The following ZNF724 variants were observed in gnomAD, a reference collection of about 807,000 sequenced individuals.
The protein encoded by ZNF724 is zinc finger protein 724 pseudogene.
In ZNF724, 14 loss-of-function variants were observed where a neutral mutation model predicts 29.3. The ratio of observed to expected loss-of-function variants is 0.48; its 90% CI spans 0.32 to 0.75. The LOEUF is 0.75. Among genes scored for constraint, ZNF724 ranks in the 30% least tolerant of loss-of-function variants. The pLI, the probability that ZNF724 is intolerant of heterozygous loss-of-function variation, is 0.04. For missense variants in ZNF724, 557 were observed against 571.2 expected (o/e 0.98, Z 0.25); for synonymous variants, 180 against 193.6 (o/e 0.93, Z 0.58).
At chr19:23,234,685 C>G (rs1324270197) in intron 1 of ZNF724, among the ~76,000 whole-genome samples, 1 of 152,134 alleles carries the variant, frequency 6.6e-6, no homozygotes. Flanking sequence ...CTCCTGACAT[C>G]AGGTGATCCA....
chr19:23,238,078 AAAC>A lies in ZNF724; in HGVS notation c.4-5788_4-5786del, dbSNP rs375323591. 6.0e-3 allele frequency among the ~76,000 whole-genome samples: 906 copies of A among 152,242 alleles called. 3 individuals are homozygous for A. Among genetic ancestry groups the A allele is most frequent in the African/African-American group, 0.02 (839 of 41,558 alleles). On this transcript the variant is annotated intron_variant, in intron 1 of 3. Transcript: ENST00000418100. The stretch of plus-strand genomic sequence containing the variant: ...ATCTGTATCTACTTTAAGAGACTGA[AAAC>A]AACAACAACAACAACAACAAAACCT...
At chr19:23,226,110 G>A (rs552834854) in intron 3 of ZNF724, among the ~76,000 whole-genome samples, 6 of 148,002 alleles carry the variant, frequency 4.1e-5, no homozygotes, top group African/African-American at 1.5e-4. Context: ...GGAGTGCAGT[G>A]GCTGAATCTC....
rs542297408 is a variant in ZNF724, at chr19:23,245,607, C to T, written c.3+4633G>A. ...CAGACCTGGGCAGCAGAGCAAGACT[C>T]CATCTCAAAAAAAAAAAAAATTATC... On this transcript the variant is annotated intron_variant, in intron 1 of 3. Coordinates refer to ENST00000418100, the MANE Select transcript of ZNF724 (RefSeq NM_001355404.2). Among the ~76,000 whole-genome samples, 453 of 151,342 alleles carry T rather than the reference C, an allele frequency of 3.0e-3. 1 individual carries two copies. The highest frequency in any genetic ancestry group is 6.8e-3 in the Middle Eastern group (2 of 294).
At chr19:23,250,062 C>T (rs957635805) in intron 1 of ZNF724, among the ~76,000 whole-genome samples, 178 bp downstream of exon 1, 1 of 152,200 alleles carries the variant, frequency 6.6e-6, no homozygotes, top group South Asian at 2.1e-4. Context: ...CGGGGGCCGG[C>T]TGTCAGCGAA....
intron 1 of ZNF724, among the ~76,000 whole-genome samples, chr19:23,239,207 A>G (rs561002223): frequency 2.0e-3 from 305 of 152,318 alleles, no homozygotes; most frequent in South Asian, 6.6e-3. Flanking sequence ...TAAACTCAAC[A>G]TTTGACCAAA....
chr19:23,237,481 A>T (rs1269333887), intron 1 of ZNF724, among the ~76,000 whole-genome samples: 2 of 152,134 alleles, frequency 1.3e-5, no homozygotes, highest in Non-Finnish European at 2.9e-5. Context: ...GTAGAATTTT[A>T]AAAAATTTTC....
At position 23,222,870 on chromosome 19, in the gene ZNF724, A is replaced by G; in HGVS notation, c.1375T>C (p.Phe459Leu). 7.1e-7 allele frequency: 1 copy of G among 1,409,434 alleles called. No individual in the cohort carries two copies. The highest frequency in any genetic ancestry group is 1.0e-6 in the Non-Finnish European group (1 of 995,318). 87.3% of individuals were successfully genotyped at this position (1,409,434 alleles called of 1,614,324 possible). A position where few individuals can be genotyped will look rare whatever the true frequency, so the allele number is the denominator to read the frequency against. The change falls in exon 4 of 4, where the codon TTT (phenylalanine) becomes CTT (leucine). Residue 459 changes from phenylalanine to leucine, a missense_variant. By Grantham distance (22) the Phe-to-Leu change is conservative. Transcript: ENST00000418100. Reference protein sequence around the residue: ...PYKCKECGKAFKRSSNLTEHR... With the variant: ...PYKCKECGKALKRSSNLTEHR... ...TCAGTAAGGTTTGAGGACCGCTTAA[A>G]AGCTTTGCCACATTCTTTACATTTG...
In ZNF724 at chr19:23,232,285, C is replaced by T; in HGVS notation, c.12G>A (p.Leu4=). 2 of 1,241,062 alleles carry T rather than the reference C, an allele frequency of 1.6e-6. No individual in the cohort carries two copies. Among genetic ancestry groups the T allele is most frequent in the South Asian group, 1.2e-5 (1 of 82,974 alleles). 76.9% of individuals were successfully genotyped at this position (1,241,062 alleles called of 1,614,324 possible). A position where few individuals can be genotyped will look rare whatever the true frequency, so the allele number is the denominator to read the frequency against. Residue 4 remains leucine (L), a synonymous_variant, in exon 2 of 4, where the codon TTG becomes TTA. Coordinates refer to ENST00000418100, the MANE Select transcript of ZNF724 (RefSeq NM_001355404.2). MGP[L]TFMDVAIEFS... is the part of the protein sequence containing the mutation. ...ATTCTATGGCCACATCCATAAATGTCAATGGTCCCTGAAAAGTACACACAC... is the reference window on the plus strand; with the variant it reads ...ATTCTATGGCCACATCCATAAATGTTAATGGTCCCTGAAAAGTACACACAC...
intron 1 of ZNF724, among the ~76,000 whole-genome samples, chr19:23,243,753 T>C (rs371006403): frequency 6.6e-6 from 1 of 151,272 alleles, no homozygotes; most frequent in Non-Finnish European, 1.5e-5. Flanking sequence ...TGAAACCTCG[T>C]CTCTACTAAA....
Position 23,223,528 on chromosome 19 carries a change from T to A in ZNF724, c.717A>T (p.Ser239=), listed in dbSNP as rs1568337707. ...EECGIAFNKS[S]HLNTHKIIHT... is the part of the protein sequence containing the mutation. ...GAATTATCTTATGTGTGTTAAGGTG[T>A]GAGGACTTGTTAAAGGCTATGCCAC... The change falls in exon 4 of 4, where the codon TCA becomes TCT. Residue 239 remains serine, a synonymous_variant. Transcript: ENST00000418100. 2.7e-6 allele frequency: 2 copies of A among 741,778 alleles called. No homozygotes were observed. Among genetic ancestry groups the A allele is most frequent in the African/African-American group, 1.7e-5 (1 of 57,966 alleles). 45.9% of individuals were successfully genotyped at this position (741,778 alleles called of 1,614,324 possible). A position where few individuals can be genotyped will look rare whatever the true frequency, so the allele number is the denominator to read the frequency against.
At chr19:23,224,356 T>G (rs1426446211) in intron 3 of ZNF724, among the ~76,000 whole-genome samples, 1 of 152,000 alleles carries the variant, frequency 6.6e-6, no homozygotes, top group Non-Finnish European at 1.5e-5. Context: ...GAAGTTGCAG[T>G]GAGCTGATAT....
intron 3 of ZNF724, among the ~76,000 whole-genome samples, chr19:23,224,691 C>T (rs1460226821): frequency 7.2e-6 from 1 of 139,628 alleles, no homozygotes; most frequent in African/African-American, 2.7e-5. Flanking sequence ...CAGGGTGGCT[C>T]AGGCCTGTAA....
At chr19:23,245,677 C>A (rs1039441045) in intron 1 of ZNF724, among the ~76,000 whole-genome samples, 5 of 152,080 alleles carry the variant, frequency 3.3e-5, no homozygotes, top group Admixed American at 2.0e-4. Flanking sequence ...CCATTCCCCT[C>A]CCACCTTGTT....
chr19:23,233,486 A>C (rs1971973100), intron 1 of ZNF724, among the ~76,000 whole-genome samples: 1 of 152,186 alleles, frequency 6.6e-6, no homozygotes, highest in Admixed American at 6.5e-5. Context: ...CCCCAATAGT[A>C]ATCTTGAGTA....
At chr19:23,236,277 G>C (rs1972019865) in intron 1 of ZNF724, 1 of 152,212 alleles carries the variant, frequency 6.6e-6, no homozygotes, top group Non-Finnish European at 1.5e-5. Flanking sequence ...CCAACTGCCA[G>C]AGCAGCACTC....
chr19:23,241,042 A>C (rs1972114880), intron 1 of ZNF724, among the ~76,000 whole-genome samples: 1 of 151,940 alleles, frequency 6.6e-6, no homozygotes. Flanking sequence ...CAACAACAAC[A>C]ACAACAACAA....
chr19:23,244,451 T>C (rs1972201317), intron 1 of ZNF724, among the ~76,000 whole-genome samples: 1 of 152,132 alleles, frequency 6.6e-6, no homozygotes, highest in Middle Eastern at 3.2e-3. Context: ...AGGTCTGTCA[T>C]CAGAGATTCT....
At chr19:23,242,436 A>T (rs1050036826) in intron 1 of ZNF724, among the ~76,000 whole-genome samples, 6 of 151,898 alleles carry the variant, frequency 4.0e-5, no homozygotes, top group Admixed American at 3.3e-4. Flanking sequence ...CTAAAAGAAA[A>T]ATTAGCTGGG....
intron 1 of ZNF724, among the ~76,000 whole-genome samples, chr19:23,240,868 C>CAAAATATATAATTTTG (rs1972111591): frequency 6.6e-6 from 1 of 151,928 alleles, no homozygotes. Flanking sequence ...CCTGTATCTA[C>CAAAATATATAATTTTG]TAAAAATACA....
Sources: gnomAD v4.1 joint callset for allele counts (sites outside exome capture counted in the v4.1 genomes callset) on GRCh38, gnomAD v4.1.1 for gene constraint, MANE v1.5 for transcripts, NCBI Gene and HGNC (gene_info 2026-07-23, HGNC 2026-07-21) for gene names.